Variants in PUM1 observed in about 807,000 individuals in gnomAD.
The protein encoded by PUM1 is pumilio RNA binding family member 1, also known as pumilio homolog 1.
PUM1 carries 13 observed loss-of-function variants against 131.8 expected under a neutral mutation model. That is an observed-to-expected ratio of 0.10 (90% CI 0.06 to 0.16). The LOEUF (loss-of-function observed/expected upper bound fraction) is 0.16. Among genes scored for constraint, PUM1 ranks in the 10% least tolerant of loss-of-function variants. PUM1 has a pLI of 1.00. For missense variants in PUM1, 961 were observed against 1,512.4 expected (o/e 0.64, Z 6.05); for synonymous variants, 509 against 556.5 (o/e 0.91, Z 1.20).
chr1:31,049,303 G>A (rs553269820), intron 2 of PUM1, among the ~76,000 whole-genome samples: 151 of 152,290 alleles, frequency 9.9e-4, no homozygotes, highest in African/African-American at 3.0e-3. Flanking sequence ...ATCACTTGAG[G>A]TCAGGAGTTC....
intron 5 of PUM1, among the ~76,000 whole-genome samples, chr1:30,995,634 A>G (rs557517415): frequency 1.9e-4 from 29 of 150,936 alleles, no homozygotes; most frequent in African/African-American, 6.8e-4. Context: ...AATAGCATAG[A>G]AAAAAAAAAT....
At chr1:31,025,022 G>C (rs998473604) in intron 3 of PUM1, among the ~76,000 whole-genome samples, 3 of 152,184 alleles carry the variant, frequency 2.0e-5, no homozygotes, top group Non-Finnish European at 4.4e-5. Context: ...CCAAATGAAA[G>C]GGGCTAACAA....
At chr1:31,040,497 A>C (rs1242024336) in intron 2 of PUM1, among the ~76,000 whole-genome samples, 2 of 152,224 alleles carry the variant, frequency 1.3e-5, no homozygotes, top group South Asian at 2.1e-4. Flanking sequence ...TAAAAATAGC[A>C]CTAGTATGCT....
At chr1:30,995,284 T>C in intron 5 of PUM1, 64 bp from the exon 6 acceptor site, 1 of 1,561,902 alleles carries the variant, frequency 6.4e-7, no homozygotes, top group Admixed American at 1.7e-5. Context: ...GCAACCGTTG[T>C]GGGCACCAGA....
chr1:30,987,750 T>G (rs1188304937), intron 7 of PUM1, among the ~76,000 whole-genome samples: 1 of 152,194 alleles, frequency 6.6e-6, no homozygotes, highest in Non-Finnish European at 1.5e-5. Flanking sequence ...ACCCAAGATA[T>G]TTGTACTTGG....
At chr1:30,983,398 AC>A (rs962098738) in intron 7 of PUM1, among the ~76,000 whole-genome samples, 2 of 152,038 alleles carry the variant, frequency 1.3e-5, no homozygotes, top group African/African-American at 4.8e-5. Context: ...GCTTCTCTCT[AC>A]CCTTCTTTGC....
At chr1:30,950,371 C>T in intron 16 of PUM1, 110 bp from the exon 17 acceptor site, 1 of 1,125,758 alleles carries the variant, frequency 8.9e-7, no homozygotes, top group Non-Finnish European at 1.2e-6. Context: ...TCTTTTAGCC[C>T]TGATACCCAT....
chr1:30,967,269 C>T lies in PUM1; in HGVS notation c.1687G>A (p.Gly563Ser). Residue 563 changes from glycine (G) to serine (S), a missense_variant, in exon 12 of 22, where the codon GGT (glycine) becomes AGT (serine). By Grantham distance (56) the Gly-to-Ser change is moderately conservative (BLOSUM62 0). This residue lies in a region of PUM1 where 654 missense variants were observed against 923.9 expected (regional missense o/e 0.71). Transcript: ENST00000426105. ...LAPAAYYDQT[G>S]ALVVNAGARN... The stretch of plus-strand genomic sequence containing the variant: ...GCGCCTGCATTCACTACAAGGGCAC[C>T]AGTTTGGTCATAGTAAGCAGCAGGA... 6.2e-7 allele frequency: 1 copy of T among 1,613,974 alleles called. No individual in the cohort carries two copies. Among genetic ancestry groups the T allele is most frequent in the East Asian group, 2.2e-5 (1 of 44,876 alleles).
At position 31,028,882 on chromosome 1, in the gene PUM1, G is replaced by A. The variant is rs753956358; in HGVS notation, c.364-18C>T. 1.2e-6 allele frequency: 2 copies of A among 1,602,886 alleles called. No individual in the cohort carries two copies. Among genetic ancestry groups the A allele is most frequent in the Admixed American group, 1.7e-5 (1 of 59,962 alleles). On this transcript the variant is annotated intron_variant, in intron 2 of 21. Coordinates refer to ENST00000426105, the MANE Select transcript of PUM1 (RefSeq NM_001020658.2). Reference sequence around the variant, plus strand: ...GAACGCACCTATTGTTTAGAATAGAGAAGGAAAAATCTTCAAGTCAGCATC... The same window carrying A: ...GAACGCACCTATTGTTTAGAATAGAAAAGGAAAAATCTTCAAGTCAGCATC...
At chr1:30,942,407 C>T (rs1639492844) in intron 18 of PUM1, among the ~76,000 whole-genome samples, 1 of 151,374 alleles carries the variant, frequency 6.6e-6, no homozygotes, top group South Asian at 2.1e-4. Context: ...AAACAGATAG[C>T]TAGTCAAAGT....
At chr1:31,033,493 C>T (rs937682486) in intron 2 of PUM1, among the ~76,000 whole-genome samples, 2 of 150,314 alleles carry the variant, frequency 1.3e-5, no homozygotes, top group African/African-American at 4.9e-5. Flanking sequence ...CCCGGGTTCA[C>T]GCCATTCTCC....
intron 2 of PUM1, among the ~76,000 whole-genome samples, chr1:31,038,958 TTATATATA>T (rs200492434): frequency 2.3e-5 from 1 of 43,984 alleles, no homozygotes; most frequent in Admixed American, 2.4e-4. Context: ...TTTTAAAATT[TTATATATA>T]TATATATATA....
At chr1:31,017,810 CT>C (rs1402021177) in intron 3 of PUM1, among the ~76,000 whole-genome samples, 5 of 152,170 alleles carry the variant, frequency 3.3e-5, no homozygotes, top group Admixed American at 1.3e-4. Flanking sequence ...AAAAGCACCC[CT>C]AGGGCTCTAA....
Position 30,985,650 on chromosome 1 carries a change from C to CAAA in PUM1, c.1159-4248_1159-4246dup, listed in dbSNP as rs372548441. Among the ~76,000 whole-genome samples, 584 of 65,144 alleles carry CAAA rather than the reference C, an allele frequency of 9.0e-3. 17 individuals carry two copies. Among genetic ancestry groups the CAAA allele is most frequent in the African/African-American group, 0.026 (528 of 20,120 alleles). The allele number at this position is 65,144 out of a possible 152,430, so 42.7% of individuals were successfully genotyped here. ...AAGCAACAAGAGTGAAACTCCATCT[C>CAAA]AAAAAAAAAAAAAAAAAAAGAGTCA... On this transcript the variant is annotated intron_variant, in intron 7 of 21. Coordinates refer to ENST00000426105, the MANE Select transcript of PUM1 (RefSeq NM_001020658.2).
At chr1:31,055,211 T>C (rs542321338) in intron 2 of PUM1, 2 of 383,624 alleles carry the variant, frequency 5.2e-6, no homozygotes, top group African/African-American at 2.1e-5. Flanking sequence ...CCCTTTGCTC[T>C]TCAATTATGC....
Position 30,969,263 on chromosome 1 carries a change from C to T in PUM1, c.1507-771G>A, listed in dbSNP as rs776074762. 8.1e-4 allele frequency among the ~76,000 whole-genome samples: 113 copies of T among 140,012 alleles called. No individual in the cohort carries two copies. In the Middle Eastern group the frequency reaches 0.012, roughly 15 times the overall value. 91.9% of individuals were successfully genotyped at this position (140,012 alleles called of 152,430 possible). On this transcript the variant is annotated intron_variant, in intron 10 of 21. Coordinates refer to ENST00000426105, the MANE Select transcript of PUM1 (RefSeq NM_001020658.2). ...AGGTTGCAGTGAGCTGAGATCGAGA[C>T]ACTTCGCTCCAGCCTGGGAAAAAGA... is the stretch of plus-strand genomic sequence containing the variant.
chr1:31,033,413 T>G (rs1643505157), intron 2 of PUM1, among the ~76,000 whole-genome samples: 1 of 134,296 alleles, frequency 7.4e-6, no homozygotes, highest in Non-Finnish European at 1.5e-5. Context: ...TGAGACGGAG[T>G]CTCGCTCTGT....
intron 6 of PUM1, 108 bp downstream of exon 6, chr1:30,994,946 A>C: frequency 1.6e-6 from 2 of 1,226,684 alleles, no homozygotes; most frequent in Non-Finnish European, 2.3e-6. Context: ...GATTCTTAAA[A>C]AGAAAACATG....
intron 14 of PUM1, among the ~76,000 whole-genome samples, chr1:30,960,402 T>A (rs143745896): frequency 6.6e-6 from 1 of 152,326 alleles, no homozygotes; most frequent in South Asian, 2.1e-4. Context: ...CTGGAGGTTC[T>A]ACACAGTGCA....
Sources: gnomAD v4.1 joint callset for allele counts (sites outside exome capture counted in the v4.1 genomes callset) on GRCh38, gnomAD v4.1.1 for gene constraint, gnomAD v4.1.1 regional missense constraint, MANE v1.5 for transcripts, NCBI Gene and HGNC (gene_info 2026-07-23, HGNC 2026-07-21) for gene names.